Variants in NFAT5 observed in about 807,000 individuals in gnomAD.
NFAT5 encodes nuclear factor of activated T cells 5, also known as nuclear factor of activated T-cells 5.
Under a neutral mutation model 166.5 loss-of-function variants are expected in NFAT5, and 31 were observed. That is an observed-to-expected ratio of 0.19 (90% CI 0.14 to 0.25). NFAT5 has a LOEUF of 0.25. Among genes scored for constraint, NFAT5 ranks in the 10% least tolerant of loss-of-function variants. The pLI is 1.00. For missense variants in NFAT5, 1,449 were observed against 1,821.8 expected (o/e 0.80, Z 3.72); for synonymous variants, 612 against 639.7 (o/e 0.96, Z 0.65).
At chr16:69,663,055 T>C (rs896108053) in intron 7 of NFAT5, among the ~76,000 whole-genome samples, 6 of 151,978 alleles carry the variant, frequency 3.9e-5, no homozygotes, top group African/African-American at 1.5e-4. Context: ...AAAAAGGAAA[T>C]TGGTTAGTGC....
At chr16:69,643,454 T>G (rs1014833421) in intron 3 of NFAT5, among the ~76,000 whole-genome samples, 6 of 152,016 alleles carry the variant, frequency 3.9e-5, no homozygotes, top group Non-Finnish European at 5.9e-5. Context: ...AAGGATTTTT[T>G]TCATGGTAAA....
intron 7 of NFAT5, among the ~76,000 whole-genome samples, chr16:69,666,618 T>C (rs1315200969): frequency 6.6e-6 from 1 of 152,034 alleles, no homozygotes; most frequent in Non-Finnish European, 1.5e-5. Flanking sequence ...AAAACCACAA[T>C]GAGATACCAT....
chr16:69,568,494 G>C lies in NFAT5; in HGVS notation c.74-1G>C, dbSNP rs200632318. 6.2e-7 allele frequency: 1 copy of C among 1,611,282 alleles called. No individual in the cohort carries two copies. The highest frequency in any genetic ancestry group is 8.5e-7 in the Non-Finnish European group (1 of 1,178,980). On this transcript the variant is annotated splice_acceptor_variant, in intron 1 of 14. Coordinates refer to ENST00000349945, the MANE Select transcript of NFAT5 (RefSeq NM_138713.4). LOFTEE classifies it high-confidence loss of function. ...TACCTAATGCTTTTTGTGTTTTTCAGATTCTCTGAAGTTACACCCATCACA... is the reference window on the plus strand; with the variant it reads ...TACCTAATGCTTTTTGTGTTTTTCACATTCTCTGAAGTTACACCCATCACA...
chr16:69,680,563 T>C (rs1445805602), intron 10 of NFAT5, among the ~76,000 whole-genome samples: 3 of 152,212 alleles, frequency 2.0e-5, no homozygotes, highest in African/African-American at 7.2e-5. Context: ...TAGGCAATCA[T>C]TACTGTATGT....
chr16:69,619,602 T>C (rs1327950691), intron 2 of NFAT5, among the ~76,000 whole-genome samples: 9 of 152,196 alleles, frequency 5.9e-5, no homozygotes, highest in Non-Finnish European at 1.2e-4. Context: ...CCCTGCAAAG[T>C]GCTCAAAAAA....
Position 69,691,989 on chromosome 16 carries a change from C to G in NFAT5, c.2164C>G (p.Leu722Val). The change falls in exon 13 of 15, where the codon CTA becomes GTA. Residue 722 changes from leucine (L) to valine (V), a missense_variant. Leu to Val is a conservative substitution (Grantham distance 32, BLOSUM62 1). Coordinates refer to ENST00000349945, the MANE Select transcript of NFAT5 (RefSeq NM_138713.4). ...TAGTCAGCTGCCCAACAGCGATGCACTATTGCAGCAGGCTACACAGTTTCA... is the reference window on the plus strand; with the variant it reads ...TAGTCAGCTGCCCAACAGCGATGCAGTATTGCAGCAGGCTACACAGTTTCA... Reference protein sequence around the residue: ...ASSQLPNSDALLQQATQFQTR... With the variant: ...ASSQLPNSDAVLQQATQFQTR... The G allele has an allele frequency of 6.2e-7, 1 of 1,614,154 alleles. No homozygotes were observed. The highest frequency in any genetic ancestry group is 8.5e-7 in the Non-Finnish European group (1 of 1,180,042).
intron 3 of NFAT5, among the ~76,000 whole-genome samples, chr16:69,631,725 C>T (rs1199150983): frequency 6.6e-6 from 1 of 151,724 alleles, no homozygotes; most frequent in African/African-American, 2.4e-5. Flanking sequence ...TCCCGGGTTC[C>T]AGCGATTCTC....
intron 3 of NFAT5, among the ~76,000 whole-genome samples, chr16:69,636,451 T>A (rs1422809920): frequency 6.6e-6 from 1 of 152,152 alleles, no homozygotes; most frequent in Non-Finnish European, 1.5e-5. Flanking sequence ...AACCCCACAT[T>A]TTCCATCTGC....
intron 2 of NFAT5, among the ~76,000 whole-genome samples, chr16:69,620,782 G>A (rs771457447): frequency 6.6e-6 from 1 of 152,138 alleles, no homozygotes; most frequent in Non-Finnish European, 1.5e-5. Context: ...ATTAATCCTT[G>A]TTAAGTTTCA....
intron 11 of NFAT5, among the ~76,000 whole-genome samples, chr16:69,689,201 C>G (rs1391073307): frequency 2.0e-5 from 3 of 152,102 alleles, no homozygotes; most frequent in Non-Finnish European, 2.9e-5. Context: ...TGCCTGAGCC[C>G]AGGAGGTGGA....
intron 2 of NFAT5, among the ~76,000 whole-genome samples, chr16:69,587,973 G>GA (rs2032200198): frequency 8.7e-6 from 1 of 115,008 alleles, no homozygotes; most frequent in South Asian, 2.7e-4. Context: ...TTTTTTTTGG[G>GA]ACAGAGTCTC....
chr16:69,607,569 AT>A (rs1454899394), intron 2 of NFAT5, among the ~76,000 whole-genome samples: 1 of 152,150 alleles, frequency 6.6e-6, no homozygotes, highest in Non-Finnish European at 1.5e-5. Context: ...ATTCTTCCAT[AT>A]TTTGTAATTG....
At chr16:69,584,554 T>C (rs1597354760) in intron 2 of NFAT5, among the ~76,000 whole-genome samples, 1 of 152,030 alleles carries the variant, frequency 6.6e-6, no homozygotes, top group East Asian at 1.9e-4. Flanking sequence ...GGTCTCGAAT[T>C]CCTGACCTTA....
At chr16:69,694,963 G>A (rs187820671) in intron 13 of NFAT5, among the ~76,000 whole-genome samples, 173 bp from the exon 14 acceptor site, 34 of 152,224 alleles carry the variant, frequency 2.2e-4, no homozygotes, top group Non-Finnish European at 3.1e-4. Flanking sequence ...CCTTTTTCTT[G>A]GACTATCAGG....
At position 69,626,425 on chromosome 16, in the gene NFAT5, A is replaced by G. The variant is rs187198998; in HGVS notation, c.150A>G (p.Pro50=). The change falls in exon 3 of 15, where the codon CCA becomes CCG. Residue 50 remains proline, a synonymous_variant. Coordinates refer to ENST00000349945, the MANE Select transcript of NFAT5 (RefSeq NM_138713.4). ...CAGAATCTGTCTATGATCTTCTCCC[A>G]AAGGAGTTACAGTTACCTCCATCTA... ...LLEESVYDLL[P]KELQLPPSRE... 9.7e-5 allele frequency: 153 copies of G among 1,583,940 alleles called. No individual in the cohort carries two copies. In the East Asian group the frequency reaches 3.0e-3, roughly 31 times the overall value.
intron 12 of NFAT5, 23 bp from the exon 13 acceptor site, chr16:69,691,726 A>G (rs1384520535): frequency 3.2e-6 from 5 of 1,564,268 alleles, no homozygotes; most frequent in Non-Finnish European, 4.3e-6. Context: ...TATTCATAAT[A>G]TTTGGGGATT....
intron 2 of NFAT5, among the ~76,000 whole-genome samples, chr16:69,597,167 A>G (rs977797915): frequency 9.2e-5 from 14 of 152,292 alleles, no homozygotes; most frequent in African/African-American, 3.1e-4. Context: ...GAAATTCAGT[A>G]TGGCTGGATT....
intron 2 of NFAT5, among the ~76,000 whole-genome samples, chr16:69,602,042 T>G (rs74026883): frequency 0.019 from 2,846 of 152,318 alleles, 90 homozygotes; most frequent in African/African-American, 0.065. Context: ...TTCACATCTT[T>G]GCTCTGCTTC....
Position 69,566,048 on chromosome 16 carries a change from C to T in NFAT5, c.-254C>T, listed in dbSNP as rs567139680. 27 of 511,774 alleles carry T rather than the reference C, an allele frequency of 5.3e-5. No homozygotes were observed. In the Admixed American group the frequency reaches 9.2e-4, roughly 17 times the overall value. 31.7% of individuals were successfully genotyped at this position (511,774 alleles called of 1,614,324 possible). On this transcript the variant is annotated 5_prime_UTR_variant, in exon 1 of 15. Transcript: ENST00000349945. The surrounding 1 kb of genome is among the most constrained non-coding windows in gnomAD (Gnocchi z 5.7). ...ACACGAAACGGACCCTTTGGCTCTC[C>T]CCCTTCCCCTTCCCCGTCCTGAACC... is the stretch of plus-strand genomic sequence containing the variant.
Sources: gnomAD v4.1 joint callset for allele counts (sites outside exome capture counted in the v4.1 genomes callset) on GRCh38, gnomAD v4.1.1 for gene constraint, Gnocchi (gnomAD v3.1) non-coding constraint, MANE v1.5 for transcripts, NCBI Gene and HGNC (gene_info 2026-07-23, HGNC 2026-07-21) for gene names.